LRPPRC: variants seen among roughly 807,000 people sequenced by gnomAD.
LRPPRC encodes the protein leucine rich pentatricopeptide repeat containing, also known as leucine-rich PPR motif-containing protein, mitochondrial.
Under a neutral mutation model 180.3 loss-of-function variants are expected in LRPPRC, and 120 were observed. The ratio of observed to expected loss-of-function variants is 0.67; its 90% CI spans 0.57 to 0.77. The LOEUF (loss-of-function observed/expected upper bound fraction) is 0.77. LRPPRC is among the 30% of genes least tolerant of loss of function. The pLI is 0.00. For synonymous variants in LRPPRC, 723 were observed against 600.0 expected (o/e 1.21, Z -3.00); for missense variants, 2,012 against 1,657.2 (o/e 1.21, Z -3.72).
intron 23 of LRPPRC, among the ~76,000 whole-genome samples, chr2:43,935,773 AT>A (rs201112501): frequency 1.3e-5 from 2 of 152,198 alleles, no homozygotes; most frequent in East Asian, 3.9e-4. Context: ...CACAGGTAAT[AT>A]AAAAAAAATA....
Position 43,949,663 on chromosome 2 carries a change from G to C in LRPPRC, c.1678-4C>G, listed in dbSNP as rs1291256092. 6.2e-7 allele frequency: 1 copy of C among 1,610,720 alleles called. No individual in the cohort carries two copies. The highest frequency in any genetic ancestry group is 2.2e-5 in the East Asian group (1 of 44,856). On this transcript the variant is annotated splice_polypyrimidine_tract_variant and splice_region_variant and intron_variant, in intron 15 of 37. Coordinates refer to ENST00000260665, the MANE Select transcript of LRPPRC (RefSeq NM_133259.4). ...CCTTGTACAACAATTCTGTTATCTG[G>C]TAAGACAGAAAATTCGTGCATTGCA...
At chr2:43,945,282 C>T in intron 22 of LRPPRC, 50 bp downstream of exon 22, 1 of 1,176,880 alleles carries the variant, frequency 8.5e-7, no homozygotes, top group Non-Finnish European at 1.3e-6. Flanking sequence ...CATGTTATTC[C>T]AGTGGCAAGA....
Position 43,888,160 on chromosome 2 carries a change from C to G in LRPPRC, c.*440G>C, listed in dbSNP as rs896498992. ...AACAAAGTTCGAAAGTTATGCAGGACTTCACACATGTACGGAATGGCTGTA... is the reference window on the plus strand; with the variant it reads ...AACAAAGTTCGAAAGTTATGCAGGAGTTCACACATGTACGGAATGGCTGTA... On this transcript the variant is annotated 3_prime_UTR_variant, in exon 38 of 38. Coordinates refer to ENST00000260665, the MANE Select transcript of LRPPRC (RefSeq NM_133259.4). The G allele has an allele frequency of 1.0e-5, 2 of 199,632 alleles. No homozygotes were observed. The highest frequency in any genetic ancestry group is 4.8e-5 in the African/African-American group (2 of 42,054). 12.4% of individuals were successfully genotyped at this position (199,632 alleles called of 1,614,324 possible).
chr2:43,938,032 A>G (rs1329761114), intron 23 of LRPPRC, among the ~76,000 whole-genome samples: 1 of 152,196 alleles, frequency 6.6e-6, no homozygotes, highest in East Asian at 1.9e-4. Flanking sequence ...TTTGCATTCA[A>G]AACTTTGAGC....
chr2:43,891,775 T>C (rs1277091712), intron 36 of LRPPRC, among the ~76,000 whole-genome samples: 1 of 152,116 alleles, frequency 6.6e-6, no homozygotes, highest in Non-Finnish European at 1.5e-5. Flanking sequence ...AAGCGAGAAA[T>C]GAAATGATTA....
rs930269186 is a variant in LRPPRC at position 43,887,487 on chromosome 2, G to A, written c.*1113C>T. ...TCCCCAAGGCAAGGTCTCCCCTGAT[G>A]TGAACAGTGTGACCCAAGTTGGCAC... On this transcript the variant is annotated 3_prime_UTR_variant, in exon 38 of 38. Transcript: ENST00000260665. The A allele has an allele frequency of 4.6e-5, 7 of 152,236 alleles. No individual in the cohort carries two copies. Among genetic ancestry groups the A allele is most frequent in the African/African-American group, 1.7e-4 (7 of 41,448 alleles). The allele number at this position is 152,236 out of a possible 1,614,324, so 9.4% of individuals were successfully genotyped here.
intron 25 of LRPPRC, among the ~76,000 whole-genome samples, chr2:43,933,699 G>C (rs116092382): frequency 6.6e-6 from 1 of 151,888 alleles, no homozygotes; most frequent in Non-Finnish European, 1.5e-5. Flanking sequence ...GCTTAGCATA[G>C]TGGAAAAAAA....
chr2:43,902,506 A>C (rs1572897325), intron 31 of LRPPRC: 2 of 152,218 alleles, frequency 1.3e-5, no homozygotes, highest in African/African-American at 4.8e-5. Flanking sequence ...AAGTGTATTA[A>C]TTGAAGTGTA....
chr2:43,938,506 T>C (rs774883770), intron 23 of LRPPRC, among the ~76,000 whole-genome samples: 14 of 152,226 alleles, frequency 9.2e-5, no homozygotes, highest in Non-Finnish European at 1.2e-4. Flanking sequence ...AAATTCATTC[T>C]AGAATCTAGA....
In LRPPRC at chr2:43,901,388, T is replaced by A. The variant is rs1670881122; in HGVS notation, c.3501A>T (p.Gly1167=). Residue 1167 remains glycine (G), a synonymous_variant, in exon 32 of 38, where the codon GGA becomes GGT. Coordinates refer to ENST00000260665, the MANE Select transcript of LRPPRC (RefSeq NM_133259.4). ...TTGAAAGTCCAATGGAGTCTTCGAG[T>A]CCATTTAACATCTTCTGAACTACTT... is the stretch of plus-strand genomic sequence containing the variant. ...NIEVVQKMLN[G]LEDSIGLSKM... is the part of the protein sequence containing the mutation. The A allele has an allele frequency of 6.2e-7, 1 of 1,613,800 alleles. No homozygotes were observed.
At chr2:43,918,798 T>G (rs1349664911) in intron 27 of LRPPRC, among the ~76,000 whole-genome samples, 1 of 136,370 alleles carries the variant, frequency 7.3e-6, no homozygotes, top group Admixed American at 7.3e-5. Context: ...TATAGATATA[T>G]ATATATATAT....
At chr2:43,956,857 T>G (rs1300331726) in intron 14 of LRPPRC, among the ~76,000 whole-genome samples, 1 of 152,154 alleles carries the variant, frequency 6.6e-6, no homozygotes, top group East Asian at 1.9e-4. Flanking sequence ...ACCACTGCAT[T>G]GCAGCCTGGG....
upstream of LRPPRC, chr2:43,996,121 G>C (rs530558822): frequency 5.3e-6 from 3 of 567,188 alleles, no homozygotes; most frequent in Non-Finnish European, 9.2e-6. Context: ...GAGGACAGAA[G>C]ACCCAATGTA....
Position 43,974,282 on chromosome 2 carries a change from G to C in LRPPRC, c.1023C>G (p.Leu341=), listed in dbSNP as rs756191093. Reference sequence around the variant, plus strand: ...ATTTTTCAGTGACTAAAAGTAAAATGAGGTTCATTGCATCTGGGAAGAAAA... The same window carrying C: ...ATTTTTCAGTGACTAAAAGTAAAATCAGGTTCATTGCATCTGGGAAGAAAA... The part of the protein sequence containing the change: ...ERRYIPDAMN[L]ILLLVTEKLE... Residue 341 remains leucine (L), a synonymous_variant, in exon 9 of 38, where the codon CTC becomes CTG. Coordinates refer to ENST00000260665, the MANE Select transcript of LRPPRC (RefSeq NM_133259.4). The C allele has an allele frequency of 7.4e-6, 12 of 1,611,394 alleles. No homozygotes were observed. Among genetic ancestry groups the C allele is most frequent in the South Asian group, 1.1e-5 (1 of 91,032 alleles).
At chr2:43,921,079 G>A (rs2105032368) in intron 27 of LRPPRC, among the ~76,000 whole-genome samples, 1 of 152,264 alleles carries the variant, frequency 6.6e-6, no homozygotes, top group Middle Eastern at 3.4e-3. Context: ...ATTAGTTGAG[G>A]CCAGGAGTTC....
intron 1 of LRPPRC, among the ~76,000 whole-genome samples, chr2:43,992,176 G>A (rs1343181315): frequency 2.0e-5 from 3 of 152,128 alleles, no homozygotes; most frequent in Non-Finnish European, 2.9e-5. Context: ...TCAAGTTAAG[G>A]TTCAACAGAG....
chr2:43,945,505 C>T, intron 21 of LRPPRC, 88 bp from the exon 22 acceptor site: 1 of 810,028 alleles, frequency 1.2e-6, no homozygotes, highest in Non-Finnish European at 2.2e-6. Flanking sequence ...TTTTCAAAAG[C>T]TCATCAGAAG....
At chr2:43,979,122 T>G (rs1311664311) in intron 3 of LRPPRC, among the ~76,000 whole-genome samples, 1 of 151,894 alleles carries the variant, frequency 6.6e-6, no homozygotes, top group Non-Finnish European at 1.5e-5. Context: ...TTTCAAATTA[T>G]TTTTTGAATA....
In LRPPRC at chr2:43,895,819, C is replaced by G. The variant is rs78635230; in HGVS notation, c.3900+815G>C. Reference sequence around the variant, plus strand: ...CAAATAAACTAAGAATGTAGTTTCTCGTATACAAGAGGTAAAATCCGATCT... The same window carrying G: ...CAAATAAACTAAGAATGTAGTTTCTGGTATACAAGAGGTAAAATCCGATCT... On this transcript the variant is annotated intron_variant, in intron 35 of 37. Transcript: ENST00000260665. Among the ~76,000 whole-genome samples, 1,398 of 152,118 alleles carry G rather than the reference C, an allele frequency of 9.2e-3. 21 individuals carry two copies. Among genetic ancestry groups the G allele is most frequent in the African/African-American group, 0.032 (1,321 of 41,478 alleles).
Sources: allele counts gnomAD v4.1 joint callset (sites outside exome capture counted in the v4.1 genomes callset), GRCh38; gene constraint gnomAD v4.1.1; transcripts MANE v1.5; gene names NCBI Gene and HGNC (gene_info 2026-07-23, HGNC 2026-07-21).